Variants in ESRRG observed in about 807,000 individuals in gnomAD.
ESRRG encodes the protein estrogen-related receptor gamma.
In ESRRG, 13 loss-of-function variants were observed where a neutral mutation model predicts 44.0. That is an observed-to-expected ratio of 0.30 (90% confidence interval 0.19 to 0.47). The LOEUF is 0.47. ESRRG is among the 20% of genes least tolerant of loss of function. The probability of loss-of-function intolerance (pLI) is 1.00; values close to 1 mark genes in which losing one functional copy is unlikely to be tolerated. For missense variants in ESRRG, 395 were observed against 580.6 expected, an observed-to-expected ratio of 0.68 and a Z score of 3.29; for synonymous variants, 215 against 214.6, an observed-to-expected ratio of 1.00 and a Z score of -0.02.
intron 2 of ESRRG, among the ~76,000 whole-genome samples, chr1:216,851,374 A>C (rs1378411160): frequency 6.6e-6 from 1 of 152,042 alleles, no homozygotes; most frequent in East Asian, 1.9e-4. Flanking sequence ...TTATGGACTA[A>C]ATGTGTGTAT....
intron 5 of ESRRG, among the ~76,000 whole-genome samples, chr1:216,531,448 C>G (rs528606771): frequency 6.6e-6 from 1 of 152,172 alleles, no homozygotes; most frequent in Non-Finnish European, 1.5e-5. Flanking sequence ...GGCATACGTT[C>G]CACTGGGGAG....
chr1:216,576,812 A>G (rs539924772), intron 3 of ESRRG, among the ~76,000 whole-genome samples: 5 of 152,002 alleles, frequency 3.3e-5, no homozygotes, highest in Non-Finnish European at 4.4e-5. Flanking sequence ...GACACATACA[A>G]GTACAAATTA....
Position 216,939,364 on chromosome 1 carries a change from A to AAAAAAAAAAAAAAC in ESRRG, c.-14+217_-14+218insGTTTTTTTTTTTTT, listed in dbSNP as rs1553720877. ...TAGACAAAAAAAAAAAAAAAAAAAAAAAAAAACACTTTAAAGGCATTTAAA... is the reference window on the plus strand; with the variant it reads ...TAGACAAAAAAAAAAAAAAAAAAAAAAAAAAAAAAAAAACAAAAAACACTTTAAAGGCATTTAAA... On this transcript the variant is annotated intron_variant, in intron 2 of 7. Coordinates refer to the ESRRG transcript ENST00000359162. Among the ~76,000 whole-genome samples the AAAAAAAAAAAAAAC allele has an allele frequency of 1.0e-3, 137 of 133,776 alleles. 3 individuals carry two copies. Among genetic ancestry groups the AAAAAAAAAAAAAAC allele is most frequent in the African/African-American group, 3.1e-3 (99 of 32,088 alleles). The allele number at this position is 133,776 out of a possible 152,430, so 87.8% of individuals were successfully genotyped here.
At chr1:216,901,188 A>C (rs1313357176) in intron 2 of ESRRG, among the ~76,000 whole-genome samples, 1 of 151,980 alleles carries the variant, frequency 6.6e-6, no homozygotes, top group Admixed American at 6.6e-5. Flanking sequence ...GGGTGACAGG[A>C]TGGGTACAGA....
intron 3 of ESRRG, among the ~76,000 whole-genome samples, chr1:216,583,727 T>C (rs983728815): frequency 6.6e-6 from 1 of 152,152 alleles, no homozygotes; most frequent in African/African-American, 2.4e-5. Context: ...CTGGGCAATT[T>C]ACAAAGGAAT....
chr1:216,512,520 T>C lies in ESRRG; in HGVS notation c.1133-5337A>G, dbSNP rs2043015479. Among the ~76,000 whole-genome samples the C allele has an allele frequency of 3.3e-5, 5 of 152,230 alleles. No homozygotes were observed. In the South Asian group the frequency reaches 1.0e-3, roughly 32 times the overall value. ...TAGTAACTAAGTATACACATTTATTTAAAAAAACTATAATAAAATAAAAGG... is the reference window on the plus strand; with the variant it reads ...TAGTAACTAAGTATACACATTTATTCAAAAAAACTATAATAAAATAAAAGG... On this transcript the variant is annotated intron_variant, in intron 6 of 6. Coordinates refer to ENST00000408911, the MANE Select transcript of ESRRG (RefSeq NM_001438.4).
intron 2 of ESRRG, among the ~76,000 whole-genome samples, chr1:216,907,327 G>T (rs937712933): frequency 1.3e-5 from 2 of 152,176 alleles, no homozygotes; most frequent in East Asian, 3.8e-4. Flanking sequence ...CACTCCCACA[G>T]CCTGATGCAC....
intron 1 of ESRRG, among the ~76,000 whole-genome samples, chr1:217,062,695 G>T (rs983061971): frequency 1.6e-4 from 24 of 152,144 alleles, no homozygotes; most frequent in African/African-American, 5.3e-4. Flanking sequence ...CAGCACTACT[G>T]GTTTTGTGGC....
intron 3 of ESRRG, among the ~76,000 whole-genome samples, chr1:216,573,415 T>C (rs1029909481): frequency 6.6e-5 from 10 of 151,930 alleles, no homozygotes; most frequent in African/African-American, 1.2e-4. Context: ...ATATCCTCCA[T>C]GATGTTTTGC....
At chr1:216,669,380 G>A (rs1427943434) in intron 2 of ESRRG, among the ~76,000 whole-genome samples, 1 of 152,070 alleles carries the variant, frequency 6.6e-6, no homozygotes, top group East Asian at 1.9e-4. Context: ...GCTGTTTTAG[G>A]ACACCCATTC....
intron 1 of ESRRG, among the ~76,000 whole-genome samples, chr1:216,989,203 T>A (rs898464073): frequency 6.6e-6 from 1 of 152,058 alleles, no homozygotes; most frequent in East Asian, 1.9e-4. Context: ...TCCCAGCACT[T>A]TGGGAGGCTG....
intron 1 of ESRRG, among the ~76,000 whole-genome samples, chr1:216,688,592 G>A (rs1331879696): frequency 6.6e-6 from 1 of 152,136 alleles, no homozygotes; most frequent in Admixed American, 6.5e-5. Context: ...AAGATGTTAA[G>A]GCTCTGGTGA....
chr1:216,954,945 C>T (rs756150101), intron 1 of ESRRG, among the ~76,000 whole-genome samples: 22 of 152,094 alleles, frequency 1.4e-4, no homozygotes, highest in South Asian at 4.1e-4. Context: ...CATATTTATG[C>T]GGTATAGAGT....
intron 1 of ESRRG, among the ~76,000 whole-genome samples, chr1:217,086,346 A>AG (rs1184972139): frequency 6.6e-6 from 1 of 152,232 alleles, no homozygotes. Flanking sequence ...CCCATTTCAT[A>AG]GGGCTCAAAT....
chr1:216,844,555 C>T (rs1042565830), intron 2 of ESRRG, among the ~76,000 whole-genome samples: 4 of 152,212 alleles, frequency 2.6e-5, no homozygotes, highest in Admixed American at 2.6e-4. Flanking sequence ...TCCTGTCATC[C>T]AAGTGCACCA....
chr1:217,117,847 T>C (rs1383994990), intron 1 of ESRRG, among the ~76,000 whole-genome samples: 3 of 152,146 alleles, frequency 2.0e-5, no homozygotes, highest in Admixed American at 2.0e-4. Context: ...AGCATATTTA[T>C]AGAAAGCACT....
At chr1:217,004,873 A>G (rs990502735) in intron 1 of ESRRG, among the ~76,000 whole-genome samples, 1 of 152,206 alleles carries the variant, frequency 6.6e-6, no homozygotes, top group Non-Finnish European at 1.5e-5. Flanking sequence ...GGGACTAAAA[A>G]TAGTAAAAGG....
intron 3 of ESRRG, among the ~76,000 whole-genome samples, chr1:216,620,826 C>A (rs2062107427): frequency 6.6e-6 from 1 of 152,210 alleles, no homozygotes; most frequent in African/African-American, 2.4e-5. Flanking sequence ...TGGAACATCT[C>A]TGCTACTTAA....
chr1:216,559,826 A>T (rs1398262262), intron 5 of ESRRG, among the ~76,000 whole-genome samples: 2 of 152,204 alleles, frequency 1.3e-5, no homozygotes. Flanking sequence ...AAAATTTATT[A>T]GAACAATAAA....
Sources: allele counts gnomAD v4.1 joint callset (sites outside exome capture counted in the v4.1 genomes callset), GRCh38; gene constraint gnomAD v4.1.1; transcripts MANE v1.5; gene names NCBI Gene and HGNC (gene_info 2026-07-23, HGNC 2026-07-21).